The following PFKP variants were observed in gnomAD, a reference collection of about 807,000 sequenced individuals.
PFKP encodes the protein ATP-dependent 6-phosphofructokinase, platelet type.
Under a neutral mutation model 94.3 loss-of-function variants are expected in PFKP, and 101 were observed. The ratio of observed to expected loss-of-function variants is 1.07; its 90% confidence interval spans 0.91 to 1.26. The LOEUF (loss-of-function observed/expected upper bound fraction) is 1.26, where lower values mean the gene tolerates loss of function less well. Among genes scored for constraint, PFKP ranks in the 50% most tolerant of loss-of-function variants. The pLI, the probability that PFKP is intolerant of heterozygous loss-of-function variation, is 0.00. For missense variants in PFKP, 1,145 were observed against 1,103.3 expected (o/e 1.04, Z -0.53); for synonymous variants, 573 against 432.6 (o/e 1.32, Z -4.03).
At chr10:3,135,254 A>G (rs1839107540) in intron 20 of PFKP, among the ~76,000 whole-genome samples, 1 of 151,968 alleles carries the variant, frequency 6.6e-6, no homozygotes, top group South Asian at 2.1e-4. Context: ...GCAAACCACT[A>G]TCACTGCCAG....
rs937139825 is a variant in PFKP, at chr10:3,101,085, G to A, written c.265-280G>A. 7 of 1,121,470 alleles carry A rather than the reference G, an allele frequency of 6.2e-6. No individual in the cohort carries two copies. In the African/African-American group the frequency reaches 7.7e-5, roughly 12 times the overall value. The allele number at this position is 1,121,470 out of a possible 1,614,324, so 69.5% of individuals were successfully genotyped here. On this transcript the variant is annotated intron_variant, in intron 3 of 21. Transcript: ENST00000381125. ...GGCGGCTGCTGTGACACCGCAGGCT[G>A]GTTCCTGCTCCATGTATTTAACTGC...
chr10:3,077,014 G>C lies in PFKP; in HGVS notation c.113-5374G>C, dbSNP rs538555522. The stretch of plus-strand genomic sequence containing the variant: ...CTTTGGCAGCAGTAGTGAGATCAGC[G>C]CGGTGTAAGCTCATTTTCTAACAAA... On this transcript the variant is annotated intron_variant, in intron 1 of 21. Transcript: ENST00000381125. 4.6e-5 allele frequency among the ~76,000 whole-genome samples: 7 copies of C among 152,266 alleles called. No individual in the cohort carries two copies. The South Asian group carries it at 1.4e-3, about 32-fold the overall frequency.
At chr10:3,125,517 C>T (rs955628207) in intron 16 of PFKP, among the ~76,000 whole-genome samples, 2 of 152,138 alleles carry the variant, frequency 1.3e-5, no homozygotes, top group Non-Finnish European at 2.9e-5. Flanking sequence ...CCGCAGGTAC[C>T]ATTGCTCTGG....
chr10:3,101,120 T>C, intron 3 of PFKP: 1 of 866,802 alleles, frequency 1.2e-6, no homozygotes, highest in South Asian at 1.4e-5. Context: ...CTGGCTGCCG[T>C]GTGTCTGGCT....
Position 3,107,955 on chromosome 10 carries a change from C to T in PFKP, c.870+646C>T, listed in dbSNP as rs12258216. On this transcript the variant is annotated intron_variant, in intron 8 of 21. Coordinates refer to ENST00000381125, the MANE Select transcript of PFKP (RefSeq NM_002627.5). ...GCTCCAGCAGCCACGGGGCAGAAGA[C>T]GTCCCCACCTGGCTTTGCAAGTCGG... The T allele has an allele frequency of 2.9e-3, 3,744 of 1,289,656 alleles. 86 individuals carry two copies. The African/African-American group carries it at 0.049, about 17-fold the overall frequency. The allele number at this position is 1,289,656 out of a possible 1,614,324, so 79.9% of individuals were successfully genotyped here.
Position 3,067,584 on chromosome 10 carries a change from G to C in PFKP, c.-12G>C. The C allele has an allele frequency of 6.9e-7, 1 of 1,451,454 alleles. No homozygotes were observed. The highest frequency in any genetic ancestry group is 9.3e-7 in the Non-Finnish European group (1 of 1,071,920). 89.9% of individuals were successfully genotyped at this position (1,451,454 alleles called of 1,614,324 possible). A position where few individuals can be genotyped will look rare whatever the true frequency, so the allele number is the denominator to read the frequency against. ...CGCACCCGGACGTGCGGCTCCCCTCGGCCTCCTCGCCATGGACGCGGACGA... is the reference window on the plus strand; with the variant it reads ...CGCACCCGGACGTGCGGCTCCCCTCCGCCTCCTCGCCATGGACGCGGACGA... On this transcript the variant is annotated 5_prime_UTR_variant, in exon 1 of 22. Coordinates refer to ENST00000381125, the MANE Select transcript of PFKP (RefSeq NM_002627.5).
At chr10:3,119,023 C>T (rs981988791) in intron 15 of PFKP, among the ~76,000 whole-genome samples, 154 bp downstream of exon 15, 4 of 152,176 alleles carry the variant, frequency 2.6e-5, no homozygotes, top group African/African-American at 7.2e-5. Flanking sequence ...AGCAGGATAG[C>T]AGGTGGTAAG....
intron 4 of PFKP, among the ~76,000 whole-genome samples, chr10:3,102,243 T>C (rs1389363200): frequency 4.5e-5 from 2 of 44,684 alleles, no homozygotes; most frequent in African/African-American, 1.3e-4. Flanking sequence ...AGAGCGAGAC[T>C]CTGTCTCAAA....
intron 8 of PFKP, among the ~76,000 whole-genome samples, chr10:3,107,578 C>T (rs777395683): frequency 1.5e-4 from 23 of 152,230 alleles, no homozygotes; most frequent in Non-Finnish European, 2.9e-4. Context: ...CGAGTGGCCA[C>T]GCGTGTTCTT....
intron 1 of PFKP, among the ~76,000 whole-genome samples, chr10:3,081,168 A>G (rs1833042835): frequency 6.6e-6 from 1 of 152,244 alleles, no homozygotes; most frequent in Admixed American, 6.5e-5. Flanking sequence ...TGTATCCCCA[A>G]GGTTTTTCAG....
At chr10:3,112,383 C>A in intron 11 of PFKP, 97 bp downstream of exon 11, 2 of 916,806 alleles carry the variant, frequency 2.2e-6, no homozygotes, top group Non-Finnish European at 3.7e-6. Flanking sequence ...TATTCCATGT[C>A]ACTGTGAAAA....
At chr10:3,114,600 A>G (rs1836605336) in intron 13 of PFKP, among the ~76,000 whole-genome samples, 1 of 152,232 alleles carries the variant, frequency 6.6e-6, no homozygotes, top group Non-Finnish European at 1.5e-5. Context: ...CAGTGCTCAG[A>G]GGCATGCCGA....
At chr10:3,098,403 C>T (rs909571830) in intron 2 of PFKP, among the ~76,000 whole-genome samples, 2 of 151,718 alleles carry the variant, frequency 1.3e-5, no homozygotes, top group African/African-American at 2.4e-5. Context: ...TGGCCAGGCG[C>T]GGTGGCTCAC....
At chr10:3,136,306 C>G (rs1169700948) in intron 21 of PFKP, 144 bp from the exon 22 acceptor site, 11 of 715,378 alleles carry the variant, frequency 1.5e-5, no homozygotes, top group Non-Finnish European at 2.6e-5. Context: ...TCATTTGATC[C>G]TGAAATTGGC....
intron 10 of PFKP, among the ~76,000 whole-genome samples, chr10:3,111,485 T>G (rs1404251131): frequency 6.6e-6 from 1 of 152,106 alleles, no homozygotes; most frequent in Non-Finnish European, 1.5e-5. Flanking sequence ...CCGTGGTAGG[T>G]GTCACTTGCC....
intron 20 of PFKP, 107 bp downstream of exon 20, chr10:3,134,689 T>TGCAGC: frequency 1.4e-6 from 1 of 732,180 alleles, no homozygotes; most frequent in East Asian, 2.5e-5. Flanking sequence ...CCTTCTTCAG[T>TGCAGC]TCAGTACTGA....
In PFKP at chr10:3,129,873, A is replaced by C; in HGVS notation, c.1738A>C (p.Ile580Leu). Residue 580 changes from isoleucine (I) to leucine (L), a missense_variant, in exon 17 of 22, where the codon ATC (isoleucine) becomes CTC (leucine). Around this residue, in one of 3 missense-constraint regions of PFKP, gnomAD observed 1,119 missense variants for 1,062.8 expected, o/e 1.05. Transcript: ENST00000381125. ...CGGAACCAAGCGGCGCGTGTTCATC[A>C]TCGAGACCATGGGCGGCTACTGTGG... is the stretch of plus-strand genomic sequence containing the variant. ...ASGTKRRVFI[I>L]ETMGGYCGYL... 1 of 1,613,680 alleles carries C rather than the reference A, an allele frequency of 6.2e-7. No individual in the cohort carries two copies. Among genetic ancestry groups the C allele is most frequent in the Non-Finnish European group, 8.5e-7 (1 of 1,179,978 alleles).
At chr10:3,088,451 A>G (rs1445743874) in intron 2 of PFKP, among the ~76,000 whole-genome samples, 1 of 152,058 alleles carries the variant, frequency 6.6e-6, no homozygotes, top group Non-Finnish European at 1.5e-5. Context: ...AAAACACACT[A>G]AAATCTGTGA....
intron 2 of PFKP, among the ~76,000 whole-genome samples, chr10:3,086,498 G>T (rs1264419655): frequency 6.6e-6 from 1 of 152,168 alleles, no homozygotes; most frequent in East Asian, 1.9e-4. Flanking sequence ...GGCATTTTTT[G>T]ATTGTGCCAT....
Sources: allele counts gnomAD v4.1 joint callset (sites outside exome capture counted in the v4.1 genomes callset), GRCh38; gene constraint gnomAD v4.1.1; regional missense constraint gnomAD v4.1.1; transcripts MANE v1.5; gene names NCBI Gene and HGNC (gene_info 2026-07-23, HGNC 2026-07-21).